The following ARB2A variants were observed in gnomAD, a reference collection of about 807,000 sequenced individuals.
ARB2A encodes cotranscriptional regulator ARB2A.
At chr5:94,034,398 C>T in the ARB2A span, among the ~76,000 whole-genome samples, 1 of 152,114 alleles carries the variant, frequency 6.6e-6, no homozygotes, top group African/African-American at 2.4e-5. Flanking sequence ...TATTCATTAC[C>T]TTCATCAGAC....
the ARB2A span, among the ~76,000 whole-genome samples, chr5:94,013,682 A>G: frequency 6.6e-6 from 1 of 152,272 alleles, no homozygotes; most frequent in Non-Finnish European, 1.5e-5. Flanking sequence ...CAAAATAGGA[A>G]AAAAGGGAAA....
chr5:94,099,955 G>A, the ARB2A span, among the ~76,000 whole-genome samples: 1 of 152,084 alleles, frequency 6.6e-6, no homozygotes, highest in African/African-American at 2.4e-5. Flanking sequence ...TTAGGCAAGA[G>A]GAAGAAATAA....
chr5:93,863,918 T>C, the ARB2A span: 1 of 152,146 alleles, frequency 6.6e-6, no homozygotes, highest in Non-Finnish European at 1.5e-5. Context: ...CTCTAGTCAC[T>C]AGATTCCACT....
chr5:93,757,470 T>C, the ARB2A span, among the ~76,000 whole-genome samples: 1 of 152,180 alleles, frequency 6.6e-6, no homozygotes, highest in African/African-American at 2.4e-5. Flanking sequence ...TCTTAAGAGC[T>C]GTAAGACAGA....
At chr5:93,949,565 AAAT>A in the ARB2A span, among the ~76,000 whole-genome samples, 1 of 151,722 alleles carries the variant, frequency 6.6e-6, no homozygotes, top group Non-Finnish European at 1.5e-5. Context: ...CTAATAATAA[AAAT>A]AATAATAATA....
chr5:93,851,208 T>C, the ARB2A span, among the ~76,000 whole-genome samples: 15 of 152,302 alleles, frequency 9.8e-5, 1 homozygote, highest in African/African-American at 9.6e-5. Context: ...ATTTTAAGAA[T>C]AGAAGAATGA....
At chr5:93,948,367 T>A in the ARB2A span, among the ~76,000 whole-genome samples, 5 of 152,222 alleles carry the variant, frequency 3.3e-5, no homozygotes, top group Non-Finnish European at 1.5e-5. Flanking sequence ...GTTGTTTTTT[T>A]CTTGTAAATT....
the ARB2A span, among the ~76,000 whole-genome samples, chr5:93,812,948 T>G: frequency 1.3e-5 from 2 of 152,132 alleles, no homozygotes; most frequent in African/African-American, 4.8e-5. Context: ...CAAGATGGGG[T>G]TAGTGTCCTT....
chr5:93,852,230 TC>T, the ARB2A span, among the ~76,000 whole-genome samples: 2 of 152,176 alleles, frequency 1.3e-5, no homozygotes, highest in South Asian at 2.1e-4. Flanking sequence ...TTTCATGTGT[TC>T]TTTGGCTGCA....
chr5:93,666,558 C>T, the ARB2A span, among the ~76,000 whole-genome samples: 2 of 150,424 alleles, frequency 1.3e-5, no homozygotes, highest in East Asian at 3.9e-4. Flanking sequence ...TTGTCCTGGT[C>T]CATTTAACAG....
the ARB2A span, among the ~76,000 whole-genome samples, chr5:93,859,419 G>T: frequency 1.3e-5 from 2 of 149,422 alleles, no homozygotes; most frequent in East Asian, 2.0e-4. Context: ...TAAGGCACAT[G>T]AAAAAAAAAG....
chr5:93,676,624 C>G, the ARB2A span, among the ~76,000 whole-genome samples: 1 of 152,164 alleles, frequency 6.6e-6, no homozygotes, highest in Non-Finnish European at 1.5e-5. Context: ...GGGGCGATTC[C>G]TCATTGTACA....
chr5:93,900,301 C>T, the ARB2A span, among the ~76,000 whole-genome samples: 1 of 151,978 alleles, frequency 6.6e-6, no homozygotes, highest in Admixed American at 6.6e-5. Context: ...AAAGTAAATT[C>T]CACACTTAAA....
chr5:93,840,929 C>T, the ARB2A span, among the ~76,000 whole-genome samples: 13 of 152,140 alleles, frequency 8.5e-5, no homozygotes, highest in African/African-American at 3.1e-4. Flanking sequence ...GACAGGGTGA[C>T]AAATACTTTG....
At chr5:93,993,278 A>G in the ARB2A span, among the ~76,000 whole-genome samples, 1 of 152,092 alleles carries the variant, frequency 6.6e-6, no homozygotes, top group South Asian at 2.1e-4. Context: ...ATTTGCCCAG[A>G]GAGACAGCTG....
the ARB2A span, among the ~76,000 whole-genome samples, chr5:93,953,906 A>G: frequency 5.9e-5 from 9 of 152,020 alleles, no homozygotes; most frequent in Non-Finnish European, 8.8e-5. Context: ...AATGGCCACA[A>G]CTACCCCACA....
At chr5:93,915,346 C>T in the ARB2A span, among the ~76,000 whole-genome samples, 1 of 151,676 alleles carries the variant, frequency 6.6e-6, no homozygotes, top group Non-Finnish European at 1.5e-5. Context: ...TTTCTAACTA[C>T]AGGCATAAAC....
the ARB2A span, among the ~76,000 whole-genome samples, chr5:93,710,406 C>T: frequency 1.3e-5 from 2 of 152,274 alleles, no homozygotes; most frequent in Admixed American, 1.3e-4. Flanking sequence ...AACTCCTGCC[C>T]TTCTGCTAAA....
At chr5:93,659,283 T>C in the ARB2A span, among the ~76,000 whole-genome samples, 20 of 152,140 alleles carry the variant, frequency 1.3e-4, no homozygotes, top group Non-Finnish European at 2.9e-4. Flanking sequence ...TAATGGTACT[T>C]CTAATAGTGC....
Sources: allele counts gnomAD v4.1 joint callset (sites outside exome capture counted in the v4.1 genomes callset), GRCh38; gene constraint gnomAD v4.1.1; transcripts MANE v1.5; gene names NCBI Gene and HGNC (gene_info 2026-07-23, HGNC 2026-07-21).